Variants in TMPRSS2 observed in about 807,000 individuals in gnomAD.
TMPRSS2 encodes the protein transmembrane protease serine 2.
Under a neutral mutation model 67.4 loss-of-function variants are expected in TMPRSS2, and 59 were observed. That is an observed-to-expected ratio of 0.88 (90% confidence interval 0.71 to 1.09). The LOEUF is 1.09. Among genes scored for constraint, TMPRSS2 ranks in the 50% least tolerant of loss-of-function variants. The pLI is 0.00. For synonymous variants in TMPRSS2, 257 were observed against 257.0 expected, an observed-to-expected ratio of 1.00 and a Z score of 0.00; for missense variants, 668 against 642.7, an observed-to-expected ratio of 1.04 and a Z score of -0.43.
chr21:41,494,235 G>A (rs1454654915), intron 3 of TMPRSS2, 121 bp downstream of exon 3: 58 of 1,056,994 alleles, frequency 5.5e-5, no homozygotes, highest in Non-Finnish European at 7.4e-5. Flanking sequence ...TCCGGAAGAC[G>A]GAGGAGAAGG....
intron 1 of TMPRSS2, among the ~76,000 whole-genome samples, chr21:41,500,023 G>A (rs2091413174): frequency 1.3e-5 from 2 of 152,188 alleles, no homozygotes; most frequent in Admixed American, 1.3e-4. Context: ...GGCCACAGAA[G>A]AATATTTCCC....
intron 1 of TMPRSS2, among the ~76,000 whole-genome samples, chr21:41,502,037 C>G (rs2091428057): frequency 6.6e-6 from 1 of 152,222 alleles, no homozygotes; most frequent in African/African-American, 2.4e-5. Flanking sequence ...TCAATACAGA[C>G]AGTGTCACCC....
chr21:41,465,046 A>G lies in TMPRSS2; in HGVS notation c.*1096T>C. ...CATCTTTCTCTTCTTCGCCGCCACC[A>G]TGGGCACTTTGCTTCAGCACATTCA... On this transcript the variant is annotated 3_prime_UTR_variant, in exon 14 of 14. Coordinates refer to ENST00000332149, the MANE Select transcript of TMPRSS2 (RefSeq NM_005656.4). 1 of 233,436 alleles carries G rather than the reference A, an allele frequency of 4.3e-6. No homozygotes were observed. Among genetic ancestry groups the G allele is most frequent in the Non-Finnish European group, 8.5e-6 (1 of 118,046 alleles). 14.5% of individuals were successfully genotyped at this position (233,436 alleles called of 1,614,324 possible).
In TMPRSS2 at chr21:41,466,147, C is replaced by T. The variant is rs140790362; in HGVS notation, c.1474G>A (p.Gly492Ser). 17 of 1,613,946 alleles carry T rather than the reference C, an allele frequency of 1.1e-5. No homozygotes were observed. The highest frequency in any genetic ancestry group is 3.3e-5 in the Admixed American group (2 of 60,000). Residue 492 changes from glycine to serine, a missense_variant, in exon 14 of 14, where the codon GGC becomes AGC. Gly to Ser is a moderately conservative substitution (Grantham distance 56). Coordinates refer to ENST00000332149, the MANE Select transcript of TMPRSS2 (RefSeq NM_005656.4). Reference sequence around the variant, plus strand: ...AAGGACGAAGACCATGTGGATTAGCCGTCTGCCTGTTCAAATAGGAAAAAA... The same window carrying T: ...AAGGACGAAGACCATGTGGATTAGCTGTCTGCCTGTTCAAATAGGAAAAAA... Reference protein sequence around the residue: ...DWIYRQMRADG With the variant: ...DWIYRQMRADS
intron 8 of TMPRSS2, among the ~76,000 whole-genome samples, chr21:41,476,009 G>A (rs1157546135): frequency 2.0e-5 from 3 of 152,004 alleles, no homozygotes; most frequent in African/African-American, 7.3e-5. Flanking sequence ...GGAGAGGGAC[G>A]GTGGCTTCCA....
At chr21:41,494,693 T>A in intron 2 of TMPRSS2, 115 bp from the exon 3 acceptor site, 1 of 1,011,442 alleles carries the variant, frequency 9.9e-7, no homozygotes, top group Non-Finnish European at 1.5e-6. Context: ...ATTGATAATG[T>A]TTTTATTTTA....
intron 2 of TMPRSS2, among the ~76,000 whole-genome samples, chr21:41,495,040 G>A (rs1050872807): frequency 1.4e-5 from 2 of 147,046 alleles, no homozygotes; most frequent in Non-Finnish European, 3.0e-5. Context: ...CTGTACTCCA[G>A]CCTGGCGACA....
intron 1 of TMPRSS2, among the ~76,000 whole-genome samples, chr21:41,500,546 T>C (rs539968801): frequency 6.6e-6 from 1 of 152,132 alleles, no homozygotes; most frequent in Non-Finnish European, 1.5e-5. Flanking sequence ...TGAAAATGAG[T>C]ATATGGCTTT....
At chr21:41,481,262 G>A (rs1156248463) in intron 5 of TMPRSS2, among the ~76,000 whole-genome samples, 2 of 127,934 alleles carry the variant, frequency 1.6e-5, no homozygotes, top group Non-Finnish European at 3.9e-5. Flanking sequence ...AAGAGGGAAT[G>A]AAATTCAGAC....
chr21:41,490,287 A>G (rs2091326196), intron 3 of TMPRSS2, among the ~76,000 whole-genome samples: 1 of 152,158 alleles, frequency 6.6e-6, no homozygotes, highest in African/African-American at 2.4e-5. Flanking sequence ...AAAAACTATC[A>G]TCACTCTGTT....
intron 5 of TMPRSS2, among the ~76,000 whole-genome samples, chr21:41,484,452 G>T (rs372976235): frequency 1.3e-5 from 2 of 152,196 alleles, no homozygotes; most frequent in Non-Finnish European, 2.9e-5. Flanking sequence ...ACACATTTTT[G>T]AATGTTTTCC....
In TMPRSS2 at chr21:41,468,072, C is replaced by G. The variant is rs1014364281; in HGVS notation, c.1315-186G>C. The stretch of plus-strand genomic sequence containing the variant: ...GATGTAACCCCCAAAGAGATAGCCC[C>G]CATCCTGAATTTTAATCTGTTCAAG... On this transcript the variant is annotated intron_variant, in intron 12 of 13. Transcript: ENST00000332149. The G allele has an allele frequency of 2.8e-5, 18 of 646,158 alleles. No individual in the cohort carries two copies. The African/African-American group carries it at 3.1e-4, about 11-fold the overall frequency. The allele number at this position is 646,158 out of a possible 1,614,324, so 40.0% of individuals were successfully genotyped here.
chr21:41,466,985 C>T (rs1350580626), intron 13 of TMPRSS2, among the ~76,000 whole-genome samples: 1 of 152,180 alleles, frequency 6.6e-6, no homozygotes, highest in South Asian at 2.1e-4. Flanking sequence ...CATCAGAGAA[C>T]CCTGGCTGCT....
At position 41,479,834 on chromosome 21, in the gene TMPRSS2, G is replaced by A. The variant is rs28403625; in HGVS notation, c.573-552C>T. 1.1e-4 allele frequency among the ~76,000 whole-genome samples: 16 copies of A among 152,142 alleles called. No homozygotes were observed. The East Asian group carries it at 1.5e-3, about 15-fold the overall frequency. ...GTAGCATCCTACCACCCTCTCCCCC[G>A]ATGCCTGAGGGCTGCCGCATCTCCC... On this transcript the variant is annotated intron_variant, in intron 6 of 13. Coordinates refer to ENST00000332149, the MANE Select transcript of TMPRSS2 (RefSeq NM_005656.4).
intron 1 of TMPRSS2, among the ~76,000 whole-genome samples, chr21:41,504,473 C>T (rs7277080): frequency 0.34 from 51,460 of 152,102 alleles, 9,132 homozygotes; most frequent in Non-Finnish European, 0.39. Flanking sequence ...CCAGCCTCGA[C>T]TCCCAACCAG....
chr21:41,483,968 C>T (rs1043676683), intron 5 of TMPRSS2, among the ~76,000 whole-genome samples: 3 of 151,954 alleles, frequency 2.0e-5, no homozygotes, highest in African/African-American at 7.3e-5. Context: ...AATATATATG[C>T]ATTAGCCTGG....
In TMPRSS2 at chr21:41,469,146, T is replaced by A. The variant is rs115774576; in HGVS notation, c.1172-608A>T. Among the ~76,000 whole-genome samples, 1,111 of 152,056 alleles carry A rather than the reference T, an allele frequency of 7.3e-3. 7 individuals are homozygous for A. Among genetic ancestry groups the A allele is most frequent in the African/African-American group, 0.02 (819 of 41,468 alleles). On this transcript the variant is annotated intron_variant, in intron 11 of 13. Transcript: ENST00000332149. ...CACCCCAAATTCTCACCAACCAATA[T>A]TTCCTGGCTTGAAAAATGGCACCAC...
chr21:41,493,225 G>A (rs1053210401), intron 3 of TMPRSS2, among the ~76,000 whole-genome samples: 1 of 152,164 alleles, frequency 6.6e-6, no homozygotes, highest in South Asian at 2.1e-4. Flanking sequence ...GTATCTGCTT[G>A]GTGGGGAGCA....
At chr21:41,485,262 C>T (rs991080203) in intron 5 of TMPRSS2, among the ~76,000 whole-genome samples, 17 of 151,828 alleles carry the variant, frequency 1.1e-4, no homozygotes, top group South Asian at 2.1e-4. Context: ...TAAATAAATA[C>T]GACTTAAATA....
Sources: gnomAD v4.1 joint callset for allele counts (sites outside exome capture counted in the v4.1 genomes callset) on GRCh38, gnomAD v4.1.1 for gene constraint, MANE v1.5 for transcripts, NCBI Gene and HGNC (gene_info 2026-07-23, HGNC 2026-07-21) for gene names.